The following ANKFN1 variants were observed in gnomAD, a reference collection of about 807,000 sequenced individuals.
The protein encoded by ANKFN1 is ankyrin repeat and fibronectin type III domain containing 1, also known as ankyrin repeat and fibronectin type-III domain-containing protein 1.
A neutral mutation model predicts 108.7 loss-of-function variants in ANKFN1; 74 were observed. The ratio of observed to expected loss-of-function variants is 0.68; its 90% CI spans 0.56 to 0.83. The LOEUF (loss-of-function observed/expected upper bound fraction) is 0.83, where lower values mean the gene tolerates loss of function less well. ANKFN1 is among the 40% of genes least tolerant of loss of function. ANKFN1 has a pLI of 0.00. For synonymous variants in ANKFN1, 547 were observed against 516.2 expected (o/e 1.06, Z -0.81); for missense variants, 1,505 against 1,382.3 (o/e 1.09, Z -1.41).
intron 4 of ANKFN1, among the ~76,000 whole-genome samples, chr17:56,054,478 G>T (rs1904831028): frequency 6.6e-6 from 1 of 152,090 alleles, no homozygotes; most frequent in Non-Finnish European, 1.5e-5. Context: ...AAATAAAGTG[G>T]ATGTTGCAAT....
rs1225024577 is a variant in ANKFN1, at chr17:56,512,901, A to G, written c.*1632A>G. ...ATTTTTTTAAGAGATTTTATACTCA[A>G]TGAAACCCTCAAAGAATCTTGATCA... On this transcript the variant is annotated 3_prime_UTR_variant, in exon 21 of 21. Transcript: ENST00000682825. Among the ~76,000 whole-genome samples the G allele has an allele frequency of 6.6e-6, 1 of 152,236 alleles. No homozygotes were observed. Among genetic ancestry groups the G allele is most frequent in the Non-Finnish European group, 1.5e-5 (1 of 68,046 alleles).
chr17:56,248,079 A>G (rs1465972201), intron 3 of ANKFN1, among the ~76,000 whole-genome samples: 2 of 152,204 alleles, frequency 1.3e-5, no homozygotes, highest in African/African-American at 4.8e-5. Context: ...AGACAGATTA[A>G]AAGAAGTAAC....
intron 4 of ANKFN1, among the ~76,000 whole-genome samples, chr17:56,118,422 T>G (rs1906405050): frequency 6.6e-6 from 1 of 152,176 alleles, no homozygotes; most frequent in South Asian, 2.1e-4. Context: ...AATACCTGAT[T>G]TGCATATAAA....
At chr17:56,052,818 G>A (rs1007155304) in intron 4 of ANKFN1, among the ~76,000 whole-genome samples, 1 of 152,180 alleles carries the variant, frequency 6.6e-6, no homozygotes, top group Non-Finnish European at 1.5e-5. Context: ...CCAGAGAGTA[G>A]ATGGGGTCTC....
chr17:56,094,809 A>T (rs948329947), intron 4 of ANKFN1, among the ~76,000 whole-genome samples: 1 of 150,134 alleles, frequency 6.7e-6, no homozygotes, highest in Non-Finnish European at 1.5e-5. Flanking sequence ...CATGAGCCAT[A>T]GCGCCCAGCC....
intron 2 of ANKFN1, 23 bp from the exon 3 acceptor site, chr17:56,227,894 C>T: frequency 6.3e-7 from 1 of 1,592,086 alleles, no homozygotes; most frequent in East Asian, 2.3e-5. Flanking sequence ...TTTTAACATT[C>T]TTTTTTTCTT....
intron 8 of ANKFN1, among the ~76,000 whole-genome samples, chr17:56,432,565 G>T (rs1201633297): frequency 6.6e-6 from 1 of 152,214 alleles, no homozygotes; most frequent in East Asian, 1.9e-4. Flanking sequence ...CATGACTGCT[G>T]CCCTGGTTGC....
intron 4 of ANKFN1, among the ~76,000 whole-genome samples, chr17:56,116,931 G>A (rs951922821): frequency 3.3e-5 from 5 of 152,056 alleles, no homozygotes; most frequent in Admixed American, 6.6e-5. Context: ...GTTTTGATCT[G>A]GGAGTTAGTA....
intron 14 of ANKFN1, among the ~76,000 whole-genome samples, chr17:56,464,698 A>G (rs1034753206): frequency 3.3e-5 from 5 of 152,194 alleles, no homozygotes; most frequent in Non-Finnish European, 5.9e-5. Flanking sequence ...CATTGCATCG[A>G]GCTTGAGGGT....
chr17:56,296,801 C>T (rs1598369184), intron 3 of ANKFN1, among the ~76,000 whole-genome samples: 1 of 152,216 alleles, frequency 6.6e-6, no homozygotes, highest in Non-Finnish European at 1.5e-5. Context: ...AGTGGTTTAG[C>T]CTCTGTGGTC....
chr17:56,159,890 C>T (rs1053197334), intron 1 of ANKFN1, among the ~76,000 whole-genome samples: 5 of 151,350 alleles, frequency 3.3e-5, no homozygotes, highest in South Asian at 2.1e-4. Flanking sequence ...TAGGATATAA[C>T]CAAGGGGGCC....
chr17:56,465,506 T>A (rs1381618858), intron 14 of ANKFN1, among the ~76,000 whole-genome samples: 1 of 152,200 alleles, frequency 6.6e-6, no homozygotes, highest in Non-Finnish European at 1.5e-5. Flanking sequence ...TCACCACCTC[T>A]TATGTGAGCT....
chr17:56,362,211 A>G (rs1347497445), intron 6 of ANKFN1, among the ~76,000 whole-genome samples: 1 of 152,258 alleles, frequency 6.6e-6, no homozygotes, highest in Non-Finnish European at 1.5e-5. Flanking sequence ...TCAAAAACAA[A>G]ATAAAATGAC....
At chr17:56,061,330 G>A (rs899474152) in intron 4 of ANKFN1, among the ~76,000 whole-genome samples, 1 of 135,312 alleles carries the variant, frequency 7.4e-6, no homozygotes, top group African/African-American at 2.9e-5. Context: ...GGAGTGCAGT[G>A]GCATGATATT....
chr17:56,446,904 CAAAACA>C (rs888874357), intron 10 of ANKFN1, among the ~76,000 whole-genome samples: 1 of 151,864 alleles, frequency 6.6e-6, no homozygotes, highest in Non-Finnish European at 1.5e-5. Flanking sequence ...GACTCCGTCT[CAAAACA>C]AAAACAAAAA....
chr17:56,324,438 G>A (rs557344224), intron 3 of ANKFN1, among the ~76,000 whole-genome samples: 3 of 152,190 alleles, frequency 2.0e-5, no homozygotes, highest in African/African-American at 7.2e-5. Flanking sequence ...ACTATTATCA[G>A]TGGCACTCTC....
intron 4 of ANKFN1, among the ~76,000 whole-genome samples, chr17:56,071,793 T>C (rs1216373347): frequency 6.6e-6 from 1 of 152,230 alleles, no homozygotes; most frequent in Non-Finnish European, 1.5e-5. Context: ...TCCCAGTGCT[T>C]TGCAATTTCA....
At chr17:56,160,307 A>G (rs1390299145) in intron 1 of ANKFN1, among the ~76,000 whole-genome samples, 1 of 152,266 alleles carries the variant, frequency 6.6e-6, no homozygotes, top group Non-Finnish European at 1.5e-5. Context: ...AAGGTAAATG[A>G]TAAAAATTAC....
At chr17:56,150,761 C>G (rs1441581984), upstream of ANKFN1, among the ~76,000 whole-genome samples, 1 of 152,118 alleles carries the variant, frequency 6.6e-6, no homozygotes, top group African/African-American at 2.4e-5. Context: ...CACCAAGACT[C>G]TCATTCCATG....
Sources: gnomAD v4.1 joint callset for allele counts (sites outside exome capture counted in the v4.1 genomes callset) on GRCh38, gnomAD v4.1.1 for gene constraint, MANE v1.5 for transcripts, NCBI Gene and HGNC (gene_info 2026-07-23, HGNC 2026-07-21) for gene names.